Variants in CNTN5 observed in about 807,000 individuals in gnomAD.
CNTN5 encodes contactin 5, also known as contactin-5.
In CNTN5, 77 loss-of-function variants were observed where a neutral mutation model predicts 129.1. That is an observed-to-expected ratio of 0.60 (90% CI 0.50 to 0.72). The LOEUF is 0.72. Among genes scored for constraint, CNTN5 ranks in the 30% least tolerant of loss-of-function variants. The pLI is 0.00. For missense variants in CNTN5, 1,478 were observed against 1,328.8 expected (o/e 1.11, Z -1.75); for synonymous variants, 509 against 465.6 (o/e 1.09, Z -1.20).
Position 100,224,828 on chromosome 11 carries a change from G to A in CNTN5, c.2005+16G>A, listed in dbSNP as rs774206673. ...CTTGTTAGGGGTGAGTATGCTAATA[G>A]TGCAGTCTGAAGACATGATCACCAT... is the stretch of plus-strand genomic sequence containing the variant. On this transcript the variant is annotated intron_variant, in intron 16 of 24. Transcript: ENST00000524871. The A allele has an allele frequency of 2.5e-6, 4 of 1,611,742 alleles. No individual in the cohort carries two copies. The highest frequency in any genetic ancestry group is 2.2e-5 in the South Asian group (2 of 90,936).
rs145336645 is a variant in CNTN5, at chr11:99,870,262, C to G, written c.577+25000C>G. ...ATTTTACCTCCAGGTTGATAATTCTCCTGTGACAGTGTGAAAGTAATTTTG... is the reference window on the plus strand; with the variant it reads ...ATTTTACCTCCAGGTTGATAATTCTGCTGTGACAGTGTGAAAGTAATTTTG... On this transcript the variant is annotated intron_variant, in intron 6 of 24. Transcript: ENST00000524871. 2.1e-3 allele frequency among the ~76,000 whole-genome samples: 316 copies of G among 152,164 alleles called. 1 individual carries two copies. The highest frequency in any genetic ancestry group is 7.3e-3 in the African/African-American group (305 of 41,530).
Position 100,254,391 on chromosome 11 carries a change from C to A in CNTN5, c.2006-1369C>A, listed in dbSNP as rs77743173. ...TGAGTTCTCTCAACGTTTCCCCTTA[C>A]CATCTCGAAAACTTTAATTATTTTG... On this transcript the variant is annotated intron_variant, in intron 16 of 24. Transcript: ENST00000524871. Among the ~76,000 whole-genome samples, 551 of 152,246 alleles carry A rather than the reference C, an allele frequency of 3.6e-3. 18 individuals are homozygous for A. The East Asian group carries it at 0.047, about 13-fold the overall frequency.
intron 10 of CNTN5, among the ~76,000 whole-genome samples, chr11:100,063,420 C>T (rs1351363918): frequency 6.6e-6 from 1 of 151,540 alleles, no homozygotes; most frequent in South Asian, 2.1e-4. Flanking sequence ...GAAAGAGAAA[C>T]TGGGCTGGCT....
At position 99,732,090 on chromosome 11, in the gene CNTN5, T is replaced by G. The variant is rs187063977; in HGVS notation, c.56-87454T>G. On this transcript the variant is annotated intron_variant, in intron 3 of 24. Transcript: ENST00000524871. The stretch of plus-strand genomic sequence containing the variant: ...GATACAAAGAAGACAAATAGTTGAA[T>G]TCATCCAGCATTTGAGTTTCATCAG... 2.0e-5 allele frequency among the ~76,000 whole-genome samples: 3 copies of G among 152,330 alleles called. No homozygotes were observed. In the East Asian group the frequency reaches 5.8e-4, roughly 29 times the overall value.
rs566069588 is a variant in CNTN5, at chr11:99,984,695, A to G, written c.878-17339A>G. Among the ~76,000 whole-genome samples, 3 of 152,372 alleles carry G rather than the reference A, an allele frequency of 2.0e-5. No homozygotes were observed. In the East Asian group the frequency reaches 5.8e-4, roughly 29 times the overall value. On this transcript the variant is annotated intron_variant, in intron 8 of 24. Coordinates refer to ENST00000524871, the MANE Select transcript of CNTN5 (RefSeq NM_014361.4). ...TTAGACAAGGACCAATAGCATGTAT[A>G]CAGGCTCATAATACATTTAGAATAC... is the stretch of plus-strand genomic sequence containing the variant.
intron 7 of CNTN5, among the ~76,000 whole-genome samples, chr11:99,932,527 A>G (rs1301182218): frequency 6.6e-6 from 1 of 152,188 alleles, no homozygotes; most frequent in Admixed American, 6.5e-5. Context: ...ATACCTTAAA[A>G]TAACTATAGT....
intron 3 of CNTN5, among the ~76,000 whole-genome samples, chr11:99,599,965 A>T (rs372120399): frequency 6.6e-6 from 1 of 152,132 alleles, no homozygotes; most frequent in African/African-American, 2.4e-5. Context: ...AGTAAAGAGA[A>T]AAAAACCTTT....
At chr11:99,734,480 A>G (rs541026298) in intron 3 of CNTN5, among the ~76,000 whole-genome samples, 2 of 152,182 alleles carry the variant, frequency 1.3e-5, no homozygotes, top group Admixed American at 1.3e-4. Context: ...CAGCAATTTC[A>G]CTGAAGCTGA....
intron 3 of CNTN5, among the ~76,000 whole-genome samples, chr11:99,647,921 G>T (rs1383086448): frequency 6.6e-6 from 1 of 151,778 alleles, no homozygotes; most frequent in Non-Finnish European, 1.5e-5. Flanking sequence ...AGTTCCCAAA[G>T]GTTTTTCTTA....
At chr11:99,608,439 G>A (rs940239227) in intron 3 of CNTN5, among the ~76,000 whole-genome samples, 1 of 152,190 alleles carries the variant, frequency 6.6e-6, no homozygotes, top group Non-Finnish European at 1.5e-5. Context: ...TCCCTGGTCA[G>A]AATGTGACTT....
intron 1 of CNTN5, among the ~76,000 whole-genome samples, chr11:99,144,447 C>T (rs568335794): frequency 1.3e-5 from 2 of 152,186 alleles, no homozygotes; most frequent in Admixed American, 6.5e-5. Context: ...ATCCATATCA[C>T]ATAAGGAAAA....
chr11:99,930,385 A>G (rs1400375753), intron 7 of CNTN5, among the ~76,000 whole-genome samples: 6 of 152,136 alleles, frequency 3.9e-5, no homozygotes, highest in Admixed American at 1.3e-4. Context: ...TGTTTGTTCA[A>G]TTCCTAGGAT....
intron 13 of CNTN5, among the ~76,000 whole-genome samples, chr11:100,127,663 T>A (rs1831124519): frequency 7.4e-6 from 1 of 135,650 alleles, no homozygotes; most frequent in African/African-American, 2.8e-5. Flanking sequence ...TTTTTTTTTT[T>A]TTTTTTTTTT....
intron 1 of CNTN5, among the ~76,000 whole-genome samples, chr11:99,035,021 T>C (rs1863636803): frequency 6.6e-6 from 1 of 150,718 alleles, no homozygotes; most frequent in Admixed American, 6.6e-5. Context: ...CTTCATTTCA[T>C]TATGTACCCA....
chr11:100,059,390 G>T (rs1381255088), intron 9 of CNTN5, among the ~76,000 whole-genome samples: 1 of 151,928 alleles, frequency 6.6e-6, no homozygotes, highest in African/African-American at 2.4e-5. Context: ...TTTTCTTCTC[G>T]CCAAAAATGA....
At chr11:99,022,688 C>CA (rs149257476) in intron 1 of CNTN5, among the ~76,000 whole-genome samples, 2,008 of 150,234 alleles carry the variant, frequency 0.013, 41 homozygotes, top group East Asian at 0.089. Flanking sequence ...GGGAAAAAGG[C>CA]AAAAAAAATC....
intron 9 of CNTN5, among the ~76,000 whole-genome samples, chr11:100,029,117 C>A (rs1015089209): frequency 6.6e-6 from 1 of 150,578 alleles, no homozygotes; most frequent in South Asian, 2.1e-4. Flanking sequence ...TCTGCCTTAA[C>A]GGCTGTTGGA....
At chr11:99,486,867 AG>A (rs1945837220) in intron 2 of CNTN5, among the ~76,000 whole-genome samples, 1 of 152,206 alleles carries the variant, frequency 6.6e-6, no homozygotes, top group African/African-American at 2.4e-5. Flanking sequence ...AAAAGAGATT[AG>A]AAAAATTTTT....
intron 1 of CNTN5, among the ~76,000 whole-genome samples, chr11:99,255,897 CT>C (rs1162098004): frequency 6.6e-6 from 1 of 151,758 alleles, no homozygotes; most frequent in Non-Finnish European, 1.5e-5. Flanking sequence ...AAGCTTTATA[CT>C]TGATATAGTT....
Sources: gnomAD v4.1 joint callset for allele counts (sites outside exome capture counted in the v4.1 genomes callset) on GRCh38, gnomAD v4.1.1 for gene constraint, MANE v1.5 for transcripts, NCBI Gene and HGNC (gene_info 2026-07-23, HGNC 2026-07-21) for gene names.